The following GHR variants were observed in gnomAD, a reference collection of about 807,000 sequenced individuals.
The protein encoded by GHR is GH receptor.
In GHR, 35 loss-of-function variants were observed where a neutral mutation model predicts 67.1. That is an observed-to-expected ratio of 0.52 (90% confidence interval 0.40 to 0.69). The LOEUF (loss-of-function observed/expected upper bound fraction) is 0.69, where lower values mean the gene tolerates loss of function less well. Ranked by LOEUF, GHR falls within the 30% of genes least tolerant of loss-of-function variation. GHR has a pLI of 0.00. For synonymous variants in GHR, 272 were observed against 269.1 expected, an observed-to-expected ratio of 1.01 and a Z score of -0.10; for missense variants, 792 against 764.6, an observed-to-expected ratio of 1.04 and a Z score of -0.42.
At chr5:42,512,888 G>A (rs1747078966) in intron 1 of GHR, among the ~76,000 whole-genome samples, 2 of 151,198 alleles carry the variant, frequency 1.3e-5, no homozygotes, top group East Asian at 1.9e-4. Flanking sequence ...GATTCATGGT[G>A]CAACTTTTGG....
rs560230687 is a variant in GHR at position 42,498,341 on chromosome 5, G to C, written c.-11-67523G>C. Among the ~76,000 whole-genome samples, 8 of 152,314 alleles carry C rather than the reference G, an allele frequency of 5.3e-5. No homozygotes were observed. In the South Asian group the frequency reaches 1.7e-3, roughly 32 times the overall value. ...TCCCTTGAGTCTGGAGATCTGATTGGAAGGGTAAAAGGGAGAAAGGGATGA... is the reference window on the plus strand; with the variant it reads ...TCCCTTGAGTCTGGAGATCTGATTGCAAGGGTAAAAGGGAGAAAGGGATGA... On this transcript the variant is annotated intron_variant, in intron 1 of 9. Coordinates refer to ENST00000230882, the MANE Select transcript of GHR (RefSeq NM_000163.5).
At chr5:42,667,258 C>T (rs1166909813) in intron 3 of GHR, among the ~76,000 whole-genome samples, 1 of 152,204 alleles carries the variant, frequency 6.6e-6, no homozygotes. Flanking sequence ...GTCTGCCTCA[C>T]TGTCATCCTC....
chr5:42,573,733 AATATCAAGTC>A (rs1279027975), intron 2 of GHR, among the ~76,000 whole-genome samples: 1 of 152,150 alleles, frequency 6.6e-6, no homozygotes, highest in African/African-American at 2.4e-5. Flanking sequence ...CCATTCCTTA[AATATCAAGTC>A]TTTCTAATTT....
chr5:42,529,308 G>A (rs754854198), intron 1 of GHR, among the ~76,000 whole-genome samples: 3 of 152,082 alleles, frequency 2.0e-5, no homozygotes, highest in Non-Finnish European at 4.4e-5. Flanking sequence ...ACCGCGCCTG[G>A]CCAGACATAA....
chr5:42,664,383 T>G (rs1462362505), intron 3 of GHR, among the ~76,000 whole-genome samples: 2 of 152,224 alleles, frequency 1.3e-5, no homozygotes, highest in Non-Finnish European at 2.9e-5. Context: ...ATGGTACTGG[T>G]ACCAAAGCAG....
intron 2 of GHR, among the ~76,000 whole-genome samples, chr5:42,583,966 G>C (rs200481304): frequency 6.6e-6 from 1 of 151,472 alleles, no homozygotes; most frequent in East Asian, 1.9e-4. Flanking sequence ...AATTGACAAT[G>C]TAAAGGACAC....
intron 3 of GHR, among the ~76,000 whole-genome samples, chr5:42,652,664 G>C (rs1231291950): frequency 2.0e-5 from 3 of 152,036 alleles, no homozygotes; most frequent in East Asian, 1.9e-4. Context: ...GTGTTTACCA[G>C]GTAAACTAAG....
At chr5:42,634,438 A>G (rs539867653) in intron 3 of GHR, among the ~76,000 whole-genome samples, 34 of 152,232 alleles carry the variant, frequency 2.2e-4, no homozygotes, top group South Asian at 1.7e-3. Context: ...GATAGGGACA[A>G]TATCTTACAC....
At chr5:42,480,137 G>A (rs1467042885) in intron 1 of GHR, among the ~76,000 whole-genome samples, 1 of 152,034 alleles carries the variant, frequency 6.6e-6, no homozygotes, top group African/African-American at 2.4e-5. Context: ...CCTTCATTTT[G>A]TTATGTACCC....
At chr5:42,648,561 GCTTCAAAA>G (rs1754858817) in intron 3 of GHR, among the ~76,000 whole-genome samples, 1 of 152,058 alleles carries the variant, frequency 6.6e-6, no homozygotes, top group Admixed American at 6.6e-5. Flanking sequence ...TCTAAACAAA[GCTTCAAAA>G]CAGAAACCCC....
chr5:42,462,637 G>C (rs1179903011), intron 1 of GHR, among the ~76,000 whole-genome samples: 2 of 151,638 alleles, frequency 1.3e-5, no homozygotes, highest in African/African-American at 4.8e-5. Context: ...TTTGTTTCTG[G>C]TTTATTATGG....
intron 3 of GHR, among the ~76,000 whole-genome samples, chr5:42,645,732 A>G (rs138392493): frequency 1.3e-5 from 2 of 152,334 alleles, no homozygotes; most frequent in African/African-American, 4.8e-5. Context: ...ACAGCATTAC[A>G]AGTAATATAG....
At chr5:42,592,737 T>C (rs917229664) in intron 2 of GHR, among the ~76,000 whole-genome samples, 2 of 151,820 alleles carry the variant, frequency 1.3e-5, no homozygotes, top group African/African-American at 4.9e-5. Context: ...TGTGTGTGTG[T>C]CTTTATGGTA....
intron 1 of GHR, among the ~76,000 whole-genome samples, chr5:42,562,673 A>T (rs7702748): frequency 0.02 from 2,111 of 107,928 alleles, 67 homozygotes; most frequent in African/African-American, 0.072. Flanking sequence ...TTTTTTGGAG[A>T]TGGAGTCTTG....
chr5:42,489,308 G>T (rs1487551297), intron 1 of GHR, among the ~76,000 whole-genome samples: 2 of 151,458 alleles, frequency 1.3e-5, no homozygotes, highest in African/African-American at 4.9e-5. Context: ...ATTCTTCAAC[G>T]CTCTTAGCAA....
At chr5:42,658,661 G>A (rs1036050169) in intron 3 of GHR, among the ~76,000 whole-genome samples, 31 of 152,188 alleles carry the variant, frequency 2.0e-4, no homozygotes, top group African/African-American at 6.7e-4. Flanking sequence ...CCCCCCAGGG[G>A]ACATTTGGCA....
At chr5:42,657,623 G>T (rs35004902) in intron 3 of GHR, among the ~76,000 whole-genome samples, 31,255 of 151,944 alleles carry the variant, frequency 0.21, 3,833 homozygotes, top group Non-Finnish European at 0.28. Flanking sequence ...TGGGAATTTA[G>T]AAGTATAATA....
chr5:42,562,314 T>A (rs1749653755), intron 1 of GHR, among the ~76,000 whole-genome samples: 1 of 152,152 alleles, frequency 6.6e-6, no homozygotes, highest in South Asian at 2.1e-4. Flanking sequence ...TTGGAATCAT[T>A]CCCACTGAGC....
intron 2 of GHR, among the ~76,000 whole-genome samples, chr5:42,611,227 C>G (rs1752873377): frequency 6.6e-6 from 1 of 152,020 alleles, no homozygotes; most frequent in Admixed American, 6.6e-5. Flanking sequence ...GTTCTACTGG[C>G]TCATGAGTGT....
Sources: gnomAD v4.1 joint callset for allele counts (sites outside exome capture counted in the v4.1 genomes callset) on GRCh38, gnomAD v4.1.1 for gene constraint, MANE v1.5 for transcripts, NCBI Gene and HGNC (gene_info 2026-07-23, HGNC 2026-07-21) for gene names.